Variants in DCT observed in about 807,000 individuals in gnomAD.
DCT encodes the protein dopachrome tautomerase.
A neutral mutation model predicts 53.0 loss-of-function variants in DCT; 47 were observed. That is an observed-to-expected ratio of 0.89 (90% CI 0.70 to 1.13). The LOEUF (loss-of-function observed/expected upper bound fraction) is 1.13, where lower values mean the gene tolerates loss of function less well. Ranked by LOEUF, DCT falls within the 50% of genes most tolerant of loss-of-function variation. The pLI is 0.00. For missense variants in DCT, 669 were observed against 637.4 expected, an observed-to-expected ratio of 1.05 and a Z score of -0.53; for synonymous variants, 244 against 237.0, an observed-to-expected ratio of 1.03 and a Z score of -0.27.
intron 6 of DCT, among the ~76,000 whole-genome samples, chr13:94,457,728 A>G (rs1388361082): frequency 1.3e-5 from 2 of 152,244 alleles, no homozygotes; most frequent in African/African-American, 4.8e-5. Flanking sequence ...TTCAAGACAT[A>G]CAACTCAGAA....
intron 3 of DCT, 100 bp from the exon 4 acceptor site, chr13:94,465,899 A>G (rs1006212668): frequency 1.3e-6 from 1 of 771,446 alleles, no homozygotes; most frequent in Non-Finnish European, 1.9e-6. Context: ...CCAAATATCT[A>G]CCAAGACAAA....
the DCT span, among the ~76,000 whole-genome samples, chr13:94,506,257 T>G: frequency 6.6e-6 from 1 of 152,202 alleles, no homozygotes; most frequent in Non-Finnish European, 1.5e-5. Context: ...TCTTCGTTTC[T>G]AAATACCATT....
At chr13:94,452,544 T>C in intron 6 of DCT, 1 of 730,454 alleles carries the variant, frequency 1.4e-6, no homozygotes, top group South Asian at 1.5e-5. Context: ...TTCTGTAACA[T>C]TTATCAAATT....
At chr13:94,445,548 A>C (rs1428187181) in intron 6 of DCT, 1 of 600,284 alleles carries the variant, frequency 1.7e-6, no homozygotes, top group African/African-American at 1.9e-5. Flanking sequence ...ATGCTAGGCT[A>C]GAACTGCCTA....
the DCT span, among the ~76,000 whole-genome samples, chr13:94,501,455 A>C: frequency 6.6e-6 from 1 of 152,122 alleles, no homozygotes; most frequent in South Asian, 2.1e-4. Flanking sequence ...TGTCCTTTCT[A>C]GTCACCATCT....
the DCT span, among the ~76,000 whole-genome samples, chr13:94,516,628 T>C: frequency 6.6e-6 from 1 of 152,154 alleles, no homozygotes; most frequent in Non-Finnish European, 1.5e-5. Flanking sequence ...CCTTCATGAA[T>C]GGATTAATTC....
the DCT span, among the ~76,000 whole-genome samples, chr13:94,533,540 T>A: frequency 6.6e-6 from 1 of 152,116 alleles, no homozygotes; most frequent in Non-Finnish European, 1.5e-5. Flanking sequence ...ATCCCAACAC[T>A]TTGGGAAACC....
the DCT span, among the ~76,000 whole-genome samples, chr13:94,521,284 G>A: frequency 2.0e-5 from 3 of 152,228 alleles, no homozygotes; most frequent in Non-Finnish European, 4.4e-5. Context: ...GGCACTTCAT[G>A]AGTGCTTGTT....
At chr13:94,490,515 A>AAAAAC in the DCT span, among the ~76,000 whole-genome samples, 1,531 of 140,436 alleles carry the variant, frequency 0.011, 47 homozygotes, top group Non-Finnish European at 0.019. Flanking sequence ...AAAAAAAAAA[A>AAAAAC]AAAAAAAAAA....
chr13:94,511,825 AGTGTGTGTGTGTGTGTGTGTGTGTGT>A, the DCT span, among the ~76,000 whole-genome samples: 2 of 143,706 alleles, frequency 1.4e-5, no homozygotes, highest in Admixed American at 6.9e-5. Flanking sequence ...CAGCATTGTC[AGTGTGTGTGTGTGTGTGTGTGTGTGT>A]GTGTGTGTGT....
chr13:94,504,534 A>AT, the DCT span, among the ~76,000 whole-genome samples: 1 of 151,934 alleles, frequency 6.6e-6, no homozygotes, highest in South Asian at 2.1e-4. Context: ...TGCCCGGCTA[A>AT]TTTTTTGTAT....
the DCT span, among the ~76,000 whole-genome samples, chr13:94,523,767 C>T: frequency 1.3e-5 from 2 of 152,020 alleles, no homozygotes; most frequent in African/African-American, 2.4e-5. Flanking sequence ...GTATTTACAC[C>T]CCCACATAAG....
chr13:94,484,097 T>C (rs946615655), upstream of DCT, among the ~76,000 whole-genome samples: 1 of 152,206 alleles, frequency 6.6e-6, no homozygotes, highest in Non-Finnish European at 1.5e-5. Context: ...ATCCACCACA[T>C]GTCAGCTGTG....
At chr13:94,516,058 C>T in the DCT span, among the ~76,000 whole-genome samples, 2 of 142,612 alleles carry the variant, frequency 1.4e-5, no homozygotes, top group Admixed American at 1.4e-4. Flanking sequence ...CACCCACCGT[C>T]TAACTTTAGG....
At chr13:94,524,936 C>G in the DCT span, among the ~76,000 whole-genome samples, 36 of 152,152 alleles carry the variant, frequency 2.4e-4, 1 homozygote, top group Admixed American at 9.2e-4. Flanking sequence ...AGAGAATACC[C>G]TGTGAAGATG....
upstream of DCT, among the ~76,000 whole-genome samples, chr13:94,480,979 T>A (rs1885415975): frequency 6.6e-6 from 1 of 152,260 alleles, no homozygotes; most frequent in Admixed American, 6.5e-5. Flanking sequence ...TTGGCAGGAC[T>A]GGCGTGTGTC....
chr13:94,544,181 AT>A, the DCT span, among the ~76,000 whole-genome samples: 1 of 151,436 alleles, frequency 6.6e-6, no homozygotes. Context: ...AGTAGCATGT[AT>A]TTTTTTTTAT....
chr13:94,459,978 A>C, intron 6 of DCT, 113 bp downstream of exon 6: 3 of 1,140,758 alleles, frequency 2.6e-6, no homozygotes, highest in Non-Finnish European at 3.9e-6. Context: ...ACATTTGCAC[A>C]CATCACATTG....
At chr13:94,487,532 C>T in the DCT span, among the ~76,000 whole-genome samples, 1 of 152,158 alleles carries the variant, frequency 6.6e-6, no homozygotes, top group Non-Finnish European at 1.5e-5. Flanking sequence ...CTTCCTGTGC[C>T]AGTCTATGTG....
Sources: allele counts gnomAD v4.1 joint callset (sites outside exome capture counted in the v4.1 genomes callset), GRCh38; gene constraint gnomAD v4.1.1; transcripts MANE v1.5; gene names NCBI Gene and HGNC (gene_info 2026-07-23, HGNC 2026-07-21).